The following DSCAML1 variants were observed in gnomAD, a reference collection of about 807,000 sequenced individuals.
DSCAML1 encodes DS cell adhesion molecule like 1.
DSCAML1 carries 38 observed loss-of-function variants against 200.5 expected under a neutral mutation model. The observed-to-expected ratio is 0.19, with a 90% CI of 0.15 to 0.25. DSCAML1 has a LOEUF of 0.25. DSCAML1 is among the 10% of genes least tolerant of loss of function. The pLI, the probability that DSCAML1 is intolerant of heterozygous loss-of-function variation, is 1.00. For synonymous variants in DSCAML1, 1,215 were observed against 1,165.0 expected, an observed-to-expected ratio of 1.04 and a Z score of -0.87; for missense variants, 2,223 against 2,858.8, an observed-to-expected ratio of 0.78 and a Z score of 5.07.
At chr11:117,737,533 G>A (rs2054340067) in intron 3 of DSCAML1, among the ~76,000 whole-genome samples, 1 of 152,188 alleles carries the variant, frequency 6.6e-6, no homozygotes, top group Non-Finnish European at 1.5e-5. Context: ...GCAGGCTGGG[G>A]GCCTACAGAG....
intron 27 of DSCAML1, among the ~76,000 whole-genome samples, chr11:117,434,627 A>T (rs1030699433): frequency 6.6e-6 from 1 of 152,010 alleles, no homozygotes; most frequent in Admixed American, 6.5e-5. Context: ...CCATCTATTC[A>T]TTCAGCCTTT....
rs59541378 is a variant in DSCAML1 at position 117,683,442 on chromosome 11, C to T, written c.511+93349G>A. 2.5e-3 allele frequency among the ~76,000 whole-genome samples: 376 copies of T among 152,344 alleles called. 2 individuals carry two copies. Among genetic ancestry groups the T allele is most frequent in the African/African-American group, 8.5e-3 (353 of 41,570 alleles). ...GGAACATGCAGAGGAGAGCCGAGTT[C>T]AGTCATCTGCGAGTTTCTCGACATC... On this transcript the variant is annotated intron_variant, in intron 3 of 32. Transcript: ENST00000651296.
intron 3 of DSCAML1, among the ~76,000 whole-genome samples, chr11:117,734,250 C>T (rs1251793919): frequency 6.6e-6 from 1 of 152,196 alleles, no homozygotes; most frequent in African/African-American, 2.4e-5. Context: ...TGGCCTTTCA[C>T]CCTGATTTAC....
chr11:117,641,282 C>CTCACA (rs1262509960), intron 3 of DSCAML1, among the ~76,000 whole-genome samples: 3 of 152,242 alleles, frequency 2.0e-5, no homozygotes, highest in African/African-American at 4.8e-5. Context: ...AGCCTCATCA[C>CTCACA]TCACAAGGCT....
intron 15 of DSCAML1, among the ~76,000 whole-genome samples, chr11:117,471,238 C>A (rs1416958644): frequency 6.6e-6 from 1 of 151,326 alleles, no homozygotes; most frequent in Non-Finnish European, 1.5e-5. Flanking sequence ...GTGGTGCGAT[C>A]TTGGCTCACA....
chr11:117,560,031 G>C (rs566724307), intron 3 of DSCAML1, among the ~76,000 whole-genome samples: 1 of 152,226 alleles, frequency 6.6e-6, no homozygotes, highest in East Asian at 1.9e-4. Flanking sequence ...AATTTAGACA[G>C]GCCCGGCTGC....
chr11:117,652,573 C>T lies in DSCAML1; in HGVS notation c.512-120051G>A, dbSNP rs560999513. Among the ~76,000 whole-genome samples the T allele has an allele frequency of 6.6e-5, 10 of 152,296 alleles. No individual in the cohort carries two copies. The East Asian group carries it at 1.7e-3, about 26-fold the overall frequency. The stretch of plus-strand genomic sequence containing the variant: ...GAGGCAGCCACAGCTCTAGTCTTAC[C>T]CAGGCTGGGAAGAAGAGGTAGAGGA... On this transcript the variant is annotated intron_variant, in intron 3 of 32. Coordinates refer to ENST00000651296, the MANE Select transcript of DSCAML1 (RefSeq NM_020693.4).
intron 3 of DSCAML1, among the ~76,000 whole-genome samples, chr11:117,674,625 T>C (rs1171501649): frequency 6.6e-6 from 1 of 152,096 alleles, no homozygotes; most frequent in Non-Finnish European, 1.5e-5. Flanking sequence ...AGATTCAGGA[T>C]CCCAATCTTC....
At chr11:117,767,212 T>C (rs925829216) in intron 3 of DSCAML1, among the ~76,000 whole-genome samples, 1 of 152,146 alleles carries the variant, frequency 6.6e-6, no homozygotes, top group Admixed American at 6.5e-5. Flanking sequence ...CAAACTGCCC[T>C]GGGCTCAGAT....
At chr11:117,529,575 C>T (rs2137335697) in intron 4 of DSCAML1, among the ~76,000 whole-genome samples, 1 of 152,302 alleles carries the variant, frequency 6.6e-6, no homozygotes, top group South Asian at 2.1e-4. Flanking sequence ...ACCTCGTTAT[C>T]TCTCCCCACC....
upstream of DSCAML1, among the ~76,000 whole-genome samples, chr11:117,800,036 C>T (rs139023405): frequency 1.3e-5 from 2 of 152,250 alleles, no homozygotes; most frequent in Non-Finnish European, 2.9e-5. Context: ...CACACTGAGG[C>T]GGAAGAGCCT....
chr11:117,684,049 G>A (rs1276810663), intron 3 of DSCAML1, among the ~76,000 whole-genome samples: 1 of 152,114 alleles, frequency 6.6e-6, no homozygotes, highest in African/African-American at 2.4e-5. Flanking sequence ...CCCTGGAGAT[G>A]GATAACAAGG....
At chr11:117,582,536 T>C (rs1242417103) in intron 3 of DSCAML1, among the ~76,000 whole-genome samples, 1 of 152,190 alleles carries the variant, frequency 6.6e-6, no homozygotes, top group Non-Finnish European at 1.5e-5. Flanking sequence ...ATAAATAAAT[T>C]AAATGCTTAT....
At chr11:117,809,922 TTCACACAC>T (rs2055743929) in intron 1 of DSCAML1, among the ~76,000 whole-genome samples, 4 of 147,428 alleles carry the variant, frequency 2.7e-5, no homozygotes, top group Non-Finnish European at 4.5e-5. Flanking sequence ...CATTCACACA[TTCACACAC>T]ACGCATATTC....
intron 17 of DSCAML1, among the ~76,000 whole-genome samples, chr11:117,462,730 A>G (rs2048505021): frequency 6.6e-6 from 1 of 152,212 alleles, no homozygotes; most frequent in South Asian, 2.1e-4. Context: ...AAGGTAATAT[A>G]ATTATGGAAA....
Position 117,480,701 on chromosome 11 carries a change from G to T in DSCAML1, c.2657-130C>A. 2 of 1,007,918 alleles carry T rather than the reference G, an allele frequency of 2.0e-6. No homozygotes were observed. Among genetic ancestry groups the T allele is most frequent in the African/African-American group, 1.6e-5 (1 of 62,604 alleles). The allele number at this position is 1,007,918 out of a possible 1,614,324, so 62.4% of individuals were successfully genotyped here. A position where few individuals can be genotyped will look rare whatever the true frequency, so the allele number is the denominator to read the frequency against. On this transcript the variant is annotated intron_variant, in intron 13 of 32. Transcript: ENST00000651296. The surrounding 1 kb of genome is among the most constrained non-coding windows in gnomAD (Gnocchi z 4.1). ...TGGCACCCTAGGGTTTGAGCAGGGT[G>T]GGGGCTGGAGGAGGCCAGCAGCCAG...
intron 11 of DSCAML1, among the ~76,000 whole-genome samples, chr11:117,492,889 C>T (rs1288346533): frequency 1.3e-5 from 2 of 152,206 alleles, no homozygotes; most frequent in Non-Finnish European, 2.9e-5. Context: ...TTTGATTGCA[C>T]CCACTTCGGC....
intron 4 of DSCAML1, among the ~76,000 whole-genome samples, chr11:117,529,343 G>C (rs146497274): frequency 6.6e-6 from 1 of 152,176 alleles, no homozygotes; most frequent in Non-Finnish European, 1.5e-5. Context: ...CTCCCAAAGT[G>C]CTAGGATTAC....
Position 117,469,983 on chromosome 11 carries a change from G to A in DSCAML1, c.2954-3C>T, listed in dbSNP as rs779257525. 1.3e-5 allele frequency: 21 copies of A among 1,601,308 alleles called. No homozygotes were observed. The highest frequency in any genetic ancestry group is 1.8e-5 in the Non-Finnish European group (21 of 1,171,922). On this transcript the variant is annotated splice_region_variant and splice_polypyrimidine_tract_variant and intron_variant, in intron 15 of 32. Coordinates refer to ENST00000651296, the MANE Select transcript of DSCAML1 (RefSeq NM_020693.4). The surrounding 1 kb of genome is among the most constrained non-coding windows in gnomAD (Gnocchi z 4.1). ...ATCCATGGGGGGCCCATCGGGAGCT[G>A]AGCAGGGTAGCGGGGAGGAGAAACA... is the stretch of plus-strand genomic sequence containing the variant.
Sources: gnomAD v4.1 joint callset for allele counts (sites outside exome capture counted in the v4.1 genomes callset) on GRCh38, gnomAD v4.1.1 for gene constraint, Gnocchi (gnomAD v3.1) non-coding constraint, MANE v1.5 for transcripts, NCBI Gene and HGNC (gene_info 2026-07-23, HGNC 2026-07-21) for gene names.